The following MAPK6 variants were observed in gnomAD, a reference collection of about 807,000 sequenced individuals.
MAPK6 encodes the protein mitogen-activated protein kinase 6.
A neutral mutation model predicts 59.3 loss-of-function variants in MAPK6; 19 were observed. That is an observed-to-expected ratio of 0.32 (90% CI 0.22 to 0.47). The LOEUF is 0.47. Ranked by LOEUF, MAPK6 falls within the 20% of genes least tolerant of loss-of-function variation. The pLI is 1.00. For synonymous variants in MAPK6, 316 were observed against 290.3 expected (o/e 1.09, Z -0.90); for missense variants, 724 against 847.9 (o/e 0.85, Z 1.81).
intron 2 of MAPK6, among the ~76,000 whole-genome samples, chr15:51,992,309 T>A (rs1223967837): frequency 0.039 from 5,332 of 137,232 alleles, 364 homozygotes; most frequent in African/African-American, 0.15. Context: ...ATATATATTT[T>A]TTTTTTTTTT....
intron 1 of MAPK6, among the ~76,000 whole-genome samples, chr15:51,972,562 G>A (rs1055312224): frequency 1.3e-5 from 2 of 149,060 alleles, no homozygotes; most frequent in Non-Finnish European, 1.5e-5. Flanking sequence ...GGTCGCTCAC[G>A]CCTGTAATCC....
intron 1 of MAPK6, among the ~76,000 whole-genome samples, chr15:52,028,139 A>G (rs938504139): frequency 1.3e-5 from 2 of 151,698 alleles, no homozygotes; most frequent in Non-Finnish European, 2.9e-5. Context: ...TTTTTAGTAG[A>G]GACAGGGTTT....
At chr15:52,029,633 C>T (rs561686071) in intron 1 of MAPK6, among the ~76,000 whole-genome samples, 54 of 152,298 alleles carry the variant, frequency 3.5e-4, no homozygotes, top group Admixed American at 3.3e-3. Context: ...CCATAATATT[C>T]TTCCAGTCTT....
At chr15:51,975,399 G>A (rs1333497903) in intron 1 of MAPK6, among the ~76,000 whole-genome samples, 1 of 151,542 alleles carries the variant, frequency 6.6e-6, no homozygotes, top group Non-Finnish European at 1.5e-5. Context: ...AAATTAGCTG[G>A]GTGGGGTGGC....
At chr15:52,032,531 A>G (rs1226026689) in intron 1 of MAPK6, among the ~76,000 whole-genome samples, 2 of 151,708 alleles carry the variant, frequency 1.3e-5, no homozygotes, top group East Asian at 1.9e-4. Flanking sequence ...TTTTCGAGAT[A>G]TTTACCCTTT....
upstream of MAPK6, among the ~76,000 whole-genome samples, chr15:52,016,070 G>GCGAGCACA: frequency 1.8e-5 from 1 of 55,392 alleles, no homozygotes; most frequent in African/African-American, 7.0e-5. Flanking sequence ...GCGCGCGCGC[G>GCGAGCACA]CACACACACA....
intron 1 of MAPK6, chr15:52,033,936 C>CT (rs1345439823): frequency 6.6e-6 from 1 of 151,284 alleles, no homozygotes; most frequent in African/African-American, 2.4e-5. Flanking sequence ...CCAGTATATA[C>CT]TTTATCTCTT....
chr15:52,056,042 G>A (rs1047859702), intron 3 of MAPK6, among the ~76,000 whole-genome samples: 4 of 152,168 alleles, frequency 2.6e-5, no homozygotes, highest in Admixed American at 6.5e-5. Flanking sequence ...ATAAAAACAC[G>A]AAGGGAAATC....
chr15:51,979,213 AAGAAAAAAAG>A (rs1320973761), intron 1 of MAPK6, among the ~76,000 whole-genome samples: 1 of 119,858 alleles, frequency 8.3e-6, no homozygotes, highest in Admixed American at 9.2e-5. Context: ...GGAAAGAAGA[AAGAAAAAAAG>A]AGAAAGAAAA....
chr15:52,032,981 G>T (rs531737277), intron 1 of MAPK6, among the ~76,000 whole-genome samples: 1 of 151,986 alleles, frequency 6.6e-6, no homozygotes, highest in South Asian at 2.1e-4. Flanking sequence ...CACCGCGCCC[G>T]GCCTCCTTTT....
At chr15:52,056,874 T>C (rs1287094748) in intron 3 of MAPK6, 1 of 151,684 alleles carries the variant, frequency 6.6e-6, no homozygotes, top group Non-Finnish European at 1.5e-5. Flanking sequence ...AATTTATATC[T>C]TCAGCCCTGA....
chr15:52,035,099 T>C (rs1306548023), intron 1 of MAPK6, among the ~76,000 whole-genome samples: 3 of 152,248 alleles, frequency 2.0e-5, no homozygotes, highest in African/African-American at 7.2e-5. Flanking sequence ...TTCTCTTTGC[T>C]TTCTAGTCTC....
At chr15:52,016,070 G>GCACACACACACACA (rs1175427042), upstream of MAPK6, among the ~76,000 whole-genome samples, 196 of 55,414 alleles carry the variant, frequency 3.5e-3, 5 homozygotes, top group Middle Eastern at 0.021. Context: ...GCGCGCGCGC[G>GCACACACACACACA]CACACACACA....
chr15:52,031,009 G>C (rs1477336186), intron 1 of MAPK6, among the ~76,000 whole-genome samples: 1 of 151,948 alleles, frequency 6.6e-6, no homozygotes, highest in Non-Finnish European at 1.5e-5. Flanking sequence ...GGTCAGTTTG[G>C]TCTTAAACTC....
intron 3 of MAPK6, chr15:52,011,545 GA>G (rs1232733987): frequency 6.6e-6 from 1 of 152,186 alleles, no homozygotes; most frequent in Non-Finnish European, 1.5e-5. Context: ...CAGTGCTAAT[GA>G]ATCAACAATA....
chr15:51,974,171 A>G lies in MAPK6; in HGVS notation c.-880+2265A>G, dbSNP rs544493151. On this transcript the variant is annotated intron_variant, in intron 1 of 7. Transcript: ENST00000691380. ...GAAACAAGGTCTCACTATGTTGCCT[A>G]GACTGGTCTTGAATTCCTGGCCTCA... 4.6e-5 allele frequency among the ~76,000 whole-genome samples: 7 copies of G among 151,896 alleles called. 1 individual carries two copies. Among genetic ancestry groups the G allele is most frequent in the African/African-American group, 1.4e-4 (6 of 41,540 alleles).
chr15:52,029,847 T>C (rs752470927), intron 1 of MAPK6, among the ~76,000 whole-genome samples: 1 of 152,248 alleles, frequency 6.6e-6, no homozygotes, highest in Non-Finnish European at 1.5e-5. Context: ...AGCTCTTAAC[T>C]GGTCTTTGCT....
chr15:52,030,949 G>A (rs2141873441), intron 1 of MAPK6, among the ~76,000 whole-genome samples: 1 of 152,042 alleles, frequency 6.6e-6, no homozygotes, highest in South Asian at 2.1e-4. Flanking sequence ...GTGCCACCAT[G>A]CCTGGCTCAT....
chr15:51,972,011 G>T (rs1334852568), intron 1 of MAPK6, among the ~76,000 whole-genome samples: 2 of 152,046 alleles, frequency 1.3e-5, no homozygotes, highest in Non-Finnish European at 1.5e-5. Flanking sequence ...GTGTGGATGG[G>T]GTGGGCGGTG....
Sources: allele counts gnomAD v4.1 joint callset (sites outside exome capture counted in the v4.1 genomes callset), GRCh38; gene constraint gnomAD v4.1.1; transcripts MANE v1.5; gene names NCBI Gene and HGNC (gene_info 2026-07-23, HGNC 2026-07-21).